PRKG1: variants seen among roughly 807,000 people sequenced by gnomAD.
PRKG1 encodes cGMP-dependent protein kinase 1.
In PRKG1, 35 loss-of-function variants were observed where a neutral mutation model predicts 88.1. That is an observed-to-expected ratio of 0.40 (90% CI 0.30 to 0.53). PRKG1 has a LOEUF of 0.53. Ranked by LOEUF, PRKG1 falls within the 20% of genes least tolerant of loss-of-function variation. The pLI, the probability that PRKG1 is intolerant of heterozygous loss-of-function variation, is 0.59. For synonymous variants in PRKG1, 303 were observed against 292.5 expected, an observed-to-expected ratio of 1.04 and a Z score of -0.37; for missense variants, 540 against 839.8, an observed-to-expected ratio of 0.64 and a Z score of 4.41.
intron 9 of PRKG1, among the ~76,000 whole-genome samples, chr10:52,248,649 G>A (rs1000717396): frequency 1.7e-4 from 26 of 152,164 alleles, no homozygotes; most frequent in South Asian, 4.1e-4. Flanking sequence ...GGTACTTCCC[G>A]TATATAGGGA....
chr10:51,099,037 AAC>A (rs1475210813), intron 1 of PRKG1, among the ~76,000 whole-genome samples: 2 of 152,200 alleles, frequency 1.3e-5, no homozygotes, highest in Non-Finnish European at 2.9e-5. Context: ...CACTCTGTGA[AAC>A]ACAGTCTATA....
rs145471201 is a variant in PRKG1 at position 51,078,431 on chromosome 10, T to C, written c.311+3530T>C. 7.4e-3 allele frequency among the ~76,000 whole-genome samples: 1,093 copies of C among 147,238 alleles called. 20 individuals carry two copies. Among genetic ancestry groups the C allele is most frequent in the African/African-American group, 0.026 (1,023 of 39,934 alleles). On this transcript the variant is annotated intron_variant, in intron 1 of 17. Transcript: ENST00000373980. ...TTTTAGTAGAGATGGGGTTTCGCCA[T>C]TTTGGCCAGGCTGATCTTGAACTCC...
intron 3 of PRKG1, among the ~76,000 whole-genome samples, chr10:51,733,926 G>T (rs1837188991): frequency 6.6e-6 from 1 of 151,892 alleles, no homozygotes; most frequent in Non-Finnish European, 1.5e-5. Context: ...TAAAATTTTA[G>T]ATTATTATTA....
chr10:51,224,430 A>AT (rs1431976598), intron 2 of PRKG1, among the ~76,000 whole-genome samples: 1 of 152,214 alleles, frequency 6.6e-6, no homozygotes, highest in Non-Finnish European at 1.5e-5. Flanking sequence ...AGCAATGAAT[A>AT]TTTATTGCTC....
At chr10:51,133,493 C>T (rs951367004) in intron 1 of PRKG1, among the ~76,000 whole-genome samples, 2 of 152,124 alleles carry the variant, frequency 1.3e-5, no homozygotes, top group African/African-American at 4.8e-5. Context: ...GACTGAGGCT[C>T]AGATAAGCTA....
intron 5 of PRKG1, among the ~76,000 whole-genome samples, chr10:51,998,411 G>A (rs1245037433): frequency 6.6e-6 from 1 of 151,888 alleles, no homozygotes; most frequent in African/African-American, 2.4e-5. Flanking sequence ...CACTCTAAAT[G>A]TTCACTTATA....
At position 51,246,486 on chromosome 10, in the gene PRKG1, G is replaced by A. The variant is rs938922092; in HGVS notation, c.478+93156G>A. ...ACATATTGTCTGTGACTACTTCCAT[G>A]CTGCACTGCAATAGCAGAGTTTAGT... On this transcript the variant is annotated intron_variant, in intron 2 of 17. Transcript: ENST00000373980. Among the ~76,000 whole-genome samples the A allele has an allele frequency of 2.6e-5, 4 of 151,908 alleles. No individual in the cohort carries two copies. In the South Asian group the frequency reaches 8.3e-4, roughly 32 times the overall value.
chr10:51,933,331 A>C (rs191562107), intron 5 of PRKG1, among the ~76,000 whole-genome samples: 1 of 152,300 alleles, frequency 6.6e-6, no homozygotes, highest in African/African-American at 2.4e-5. Flanking sequence ...TATTGATTAC[A>C]CATGATAATG....
chr10:51,814,203 T>C (rs1264836528), intron 4 of PRKG1, among the ~76,000 whole-genome samples: 10 of 152,176 alleles, frequency 6.6e-5, no homozygotes, highest in Admixed American at 5.2e-4. Context: ...TTGAACTGTT[T>C]GGACACATAC....
chr10:51,057,176 T>C lies in PRKG1; in HGVS notation c.266+65532T>C, dbSNP rs375283171. Among the ~76,000 whole-genome samples the C allele has an allele frequency of 2.0e-5, 3 of 152,366 alleles. No homozygotes were observed. The South Asian group carries it at 6.2e-4, about 32-fold the overall frequency. On this transcript the variant is annotated intron_variant, in intron 1 of 17. Coordinates refer to the PRKG1 transcript ENST00000401604. Reference sequence around the variant, plus strand: ...GTGTGTATATACACACACATACATATGATGGCCCAAGTCAGTTTTATGTAG... The same window carrying C: ...GTGTGTATATACACACACATACATACGATGGCCCAAGTCAGTTTTATGTAG...
chr10:51,842,591 T>G (rs753847252), intron 4 of PRKG1, among the ~76,000 whole-genome samples: 4 of 152,216 alleles, frequency 2.6e-5, no homozygotes, highest in Non-Finnish European at 1.5e-5. Flanking sequence ...CAAAGGACCA[T>G]GCTTTTCATG....
At chr10:51,184,056 T>C (rs901954978) in intron 2 of PRKG1, among the ~76,000 whole-genome samples, 3 of 152,196 alleles carry the variant, frequency 2.0e-5, no homozygotes, top group African/African-American at 4.8e-5. Flanking sequence ...TGTACAAACA[T>C]TTATTTTTGT....
At chr10:52,103,695 G>C (rs1205390369) in intron 7 of PRKG1, among the ~76,000 whole-genome samples, 5 of 151,904 alleles carry the variant, frequency 3.3e-5, no homozygotes, top group African/African-American at 1.2e-4. Flanking sequence ...ACAGGGGATT[G>C]GCACTCCAAC....
intron 9 of PRKG1, among the ~76,000 whole-genome samples, chr10:52,241,868 G>A (rs1271687352): frequency 6.6e-6 from 1 of 152,076 alleles, no homozygotes; most frequent in Non-Finnish European, 1.5e-5. Context: ...ATCTTTCTTT[G>A]AATACCCTCC....
chr10:51,003,686 C>A (rs1842912573), intron 1 of PRKG1, among the ~76,000 whole-genome samples: 2 of 152,286 alleles, frequency 1.3e-5, no homozygotes, highest in Non-Finnish European at 2.9e-5. Flanking sequence ...TTTCTCCTCC[C>A]AATCTTTCTA....
intron 2 of PRKG1, among the ~76,000 whole-genome samples, chr10:51,297,287 C>T (rs12249547): frequency 0.01 from 1,524 of 152,178 alleles, 30 homozygotes; most frequent in African/African-American, 0.034. Context: ...AGTTAGGGGA[C>T]ATACCACTTC....
chr10:52,139,808 G>A lies in PRKG1; in HGVS notation c.1001+5903G>A, dbSNP rs1333147874. 2.0e-5 allele frequency among the ~76,000 whole-genome samples: 3 copies of A among 152,052 alleles called. No individual in the cohort carries two copies. The South Asian group carries it at 6.2e-4, about 32-fold the overall frequency. ...TGTGGGAGTTTTATCTTCTGAGTGG[G>A]GTCTCCAGGCATGACTCTATTATAG... On this transcript the variant is annotated intron_variant, in intron 8 of 17. Coordinates refer to ENST00000373980, the MANE Select transcript of PRKG1 (RefSeq NM_006258.4).
intron 1 of PRKG1, among the ~76,000 whole-genome samples, chr10:51,082,061 G>A (rs1290409212): frequency 6.6e-6 from 1 of 152,130 alleles, no homozygotes; most frequent in Non-Finnish European, 1.5e-5. Context: ...CACCCCACCT[G>A]ATCATCTTTT....
intron 3 of PRKG1, among the ~76,000 whole-genome samples, chr10:51,705,283 T>A (rs979697108): frequency 2.6e-5 from 4 of 152,224 alleles, no homozygotes; most frequent in Non-Finnish European, 4.4e-5. Flanking sequence ...GTATCAATAT[T>A]CTTGTATTAC....
Sources: gnomAD v4.1 joint callset for allele counts (sites outside exome capture counted in the v4.1 genomes callset) on GRCh38, gnomAD v4.1.1 for gene constraint, MANE v1.5 for transcripts, NCBI Gene and HGNC (gene_info 2026-07-23, HGNC 2026-07-21) for gene names.